SIPA1L1: variants seen among roughly 807,000 people sequenced by gnomAD.
SIPA1L1 encodes signal-induced proliferation-associated 1-like protein 1.
SIPA1L1 carries 26 observed loss-of-function variants against 162.7 expected under a neutral mutation model. The ratio of observed to expected loss-of-function variants is 0.16; its 90% confidence interval spans 0.12 to 0.22. SIPA1L1 has a LOEUF of 0.22. Among genes scored for constraint, SIPA1L1 ranks in the 10% least tolerant of loss-of-function variants. SIPA1L1 has a pLI of 1.00. For missense variants in SIPA1L1, 1,874 were observed against 2,241.0 expected (o/e 0.84, Z 3.31); for synonymous variants, 829 against 837.4 (o/e 0.99, Z 0.17).
chr14:71,421,440 A>G (rs1289163928), intron 2 of SIPA1L1, among the ~76,000 whole-genome samples: 1 of 150,920 alleles, frequency 6.6e-6, no homozygotes, highest in Non-Finnish European at 1.5e-5. Context: ...CAAAAACGAG[A>G]AAAAAAAAGG....
At chr14:71,438,543 C>G (rs1418942585) in intron 2 of SIPA1L1, among the ~76,000 whole-genome samples, 1 of 152,220 alleles carries the variant, frequency 6.6e-6, no homozygotes, top group Admixed American at 6.5e-5. Flanking sequence ...TCTTTACTTT[C>G]ATTCCAGAGG....
intron 2 of SIPA1L1, among the ~76,000 whole-genome samples, chr14:71,342,026 C>G (rs1006543852): frequency 6.6e-6 from 1 of 151,762 alleles, no homozygotes; most frequent in Non-Finnish European, 1.5e-5. Flanking sequence ...TTTTTGGAGA[C>G]AGGGTCTCAC....
In SIPA1L1 at chr14:71,709,605, G is replaced by A. The variant is rs553706760; in HGVS notation, c.4149G>A (p.Ser1383=). Residue 1383 remains serine, a synonymous_variant, in exon 17 of 24, where the codon TCG becomes TCA. Coordinates refer to ENST00000381232, the MANE Select transcript of SIPA1L1 (RefSeq NM_001386936.1). Reference sequence around the variant, plus strand: ...TACACAGCAAGAGCCAAGCCGGCTCGACCCCTCTGACAAGGGAGAACAGCA... The same window carrying A: ...TACACAGCAAGAGCCAAGCCGGCTCAACCCCTCTGACAAGGGAGAACAGCA... ...LDIHSKSQAG[S]TPLTRENSTF... is the part of the protein sequence containing the mutation. The A allele has an allele frequency of 6.3e-5, 101 of 1,614,082 alleles. No homozygotes were observed. The highest frequency in any genetic ancestry group is 7.5e-5 in the Non-Finnish European group (88 of 1,180,022).
chr14:71,546,811 T>TAAAG, intron 4 of SIPA1L1, among the ~76,000 whole-genome samples: 1 of 152,168 alleles, frequency 6.6e-6, no homozygotes, highest in Non-Finnish European at 1.5e-5. Flanking sequence ...AATGGATGCT[T>TAAAG]CCCTTGGACC....
intron 4 of SIPA1L1, among the ~76,000 whole-genome samples, chr14:71,532,964 A>C (rs2053576556): frequency 6.6e-6 from 1 of 152,118 alleles, no homozygotes; most frequent in Non-Finnish European, 1.5e-5. Flanking sequence ...TAACCTCTAC[A>C]GGGTGGTGGA....
intron 10 of SIPA1L1, among the ~76,000 whole-genome samples, chr14:71,664,173 A>G (rs1327884514): frequency 6.6e-6 from 1 of 152,152 alleles, no homozygotes; most frequent in Non-Finnish European, 1.5e-5. Flanking sequence ...AATGGAAAAT[A>G]TCAGTTTTCA....
intron 16 of SIPA1L1, among the ~76,000 whole-genome samples, chr14:71,706,772 A>T (rs1431903667): frequency 2.0e-5 from 3 of 152,152 alleles, no homozygotes; most frequent in Non-Finnish European, 4.4e-5. Flanking sequence ...GGTGGCTCAC[A>T]CCTGTAATCC....
At chr14:71,495,021 T>G (rs2049623082) in intron 2 of SIPA1L1, among the ~76,000 whole-genome samples, 1 of 152,228 alleles carries the variant, frequency 6.6e-6, no homozygotes, top group Non-Finnish European at 1.5e-5. Flanking sequence ...TGGGAGCCAC[T>G]GCACCCAGAC....
At chr14:71,438,077 T>A (rs2044537464) in intron 2 of SIPA1L1, among the ~76,000 whole-genome samples, 1 of 152,218 alleles carries the variant, frequency 6.6e-6, no homozygotes, top group South Asian at 2.1e-4. Context: ...GTGAAACCTT[T>A]TAGAAGTGGT....
chr14:71,661,588 T>G, intron 10 of SIPA1L1, 121 bp downstream of exon 10: 4 of 1,049,046 alleles, frequency 3.8e-6, no homozygotes, highest in Non-Finnish European at 5.4e-6. Flanking sequence ...TTTTTGTCTT[T>G]AAACCATGCA....
At chr14:71,617,636 A>G (rs1596449117) in intron 5 of SIPA1L1, among the ~76,000 whole-genome samples, 1 of 152,202 alleles carries the variant, frequency 6.6e-6, no homozygotes, top group East Asian at 1.9e-4. Context: ...TTCGATATTT[A>G]TGCTATTTTT....
rs945880032 is a variant in SIPA1L1 at position 71,462,644 on chromosome 14, C to T, written c.-464-50099C>T. On this transcript the variant is annotated intron_variant, in intron 2 of 23. Transcript: ENST00000381232. ...GAAATTTTACTGAAGTGGAAGGTCC[C>T]TGAATTTTAGTTGGATTTATTTCCC... 2.6e-5 allele frequency among the ~76,000 whole-genome samples: 4 copies of T among 152,150 alleles called. No homozygotes were observed. The South Asian group carries it at 8.3e-4, about 32-fold the overall frequency.
intron 2 of SIPA1L1, among the ~76,000 whole-genome samples, chr14:71,415,702 AT>A (rs1000364296): frequency 1.6e-3 from 234 of 144,080 alleles, no homozygotes; most frequent in Non-Finnish European, 1.4e-3. Context: ...TGTCTTAATT[AT>A]TTTTTTTTTT....
intron 2 of SIPA1L1, among the ~76,000 whole-genome samples, chr14:71,471,162 G>A (rs555320925): frequency 4.4e-4 from 67 of 152,090 alleles, no homozygotes; most frequent in South Asian, 1.5e-3. Flanking sequence ...TTTTTTAGGA[G>A]TGTTTTCCAC....
At chr14:71,607,143 G>A (rs2037621862) in intron 5 of SIPA1L1, among the ~76,000 whole-genome samples, 1 of 151,858 alleles carries the variant, frequency 6.6e-6, no homozygotes, top group South Asian at 2.1e-4. Flanking sequence ...TAATGTCCTG[G>A]AACAAAGCTT....
At chr14:71,467,459 T>G (rs913473626) in intron 2 of SIPA1L1, among the ~76,000 whole-genome samples, 3 of 152,218 alleles carry the variant, frequency 2.0e-5, no homozygotes, top group Non-Finnish European at 4.4e-5. Flanking sequence ...GCAGATGCAC[T>G]TTCTAATAAA....
At chr14:71,438,384 T>G (rs1890653938) in intron 2 of SIPA1L1, among the ~76,000 whole-genome samples, 1 of 152,186 alleles carries the variant, frequency 6.6e-6, no homozygotes, top group Non-Finnish European at 1.5e-5. Flanking sequence ...GCCTTCCTGC[T>G]CTTGTTCCCA....
intron 4 of SIPA1L1, among the ~76,000 whole-genome samples, chr14:71,579,697 A>G (rs2033645050): frequency 6.6e-6 from 1 of 152,218 alleles, no homozygotes; most frequent in Admixed American, 6.5e-5. Context: ...AAATATGCTT[A>G]CTGTTGATAT....
intron 3 of SIPA1L1, among the ~76,000 whole-genome samples, chr14:71,524,371 T>C (rs145059430): frequency 5.0e-4 from 76 of 152,356 alleles, no homozygotes; most frequent in Middle Eastern, 3.4e-3. Flanking sequence ...CTGTTTATGT[T>C]TCGCTTTAGG....
Sources: allele counts gnomAD v4.1 joint callset (sites outside exome capture counted in the v4.1 genomes callset), GRCh38; gene constraint gnomAD v4.1.1; transcripts MANE v1.5; gene names NCBI Gene and HGNC (gene_info 2026-07-23, HGNC 2026-07-21).